The following LRRK2 variants were observed in gnomAD, a reference collection of about 807,000 sequenced individuals.
LRRK2 encodes leucine-rich repeat serine/threonine-protein kinase 2.
In LRRK2, 203 loss-of-function variants were observed where a neutral mutation model predicts 302.6. That is an observed-to-expected ratio of 0.67 (90% CI 0.60 to 0.75). The LOEUF (loss-of-function observed/expected upper bound fraction) is 0.75. Among genes scored for constraint, LRRK2 ranks in the 30% least tolerant of loss-of-function variants. The pLI is 0.00. For missense variants in LRRK2, 2,830 were observed against 2,951.0 expected (o/e 0.96, Z 0.95); for synonymous variants, 1,066 against 1,031.9 (o/e 1.03, Z -0.63).
At chr12:40,312,555 G>A (rs1167136983) in intron 31 of LRRK2, among the ~76,000 whole-genome samples, 1 of 151,890 alleles carries the variant, frequency 6.6e-6, no homozygotes, top group Admixed American at 6.6e-5. Flanking sequence ...ATCTTTTTCT[G>A]TCTCAACCTT....
In LRRK2 at chr12:40,364,843, G is replaced by A. The variant is rs78964014; in HGVS notation, c.7183G>A (p.Glu2395Lys). Reference protein sequence around the residue: ...GLIDCVHFLREVMVKENKESK... With the variant: ...GLIDCVHFLRKVMVKENKESK... The stretch of plus-strand genomic sequence containing the variant: ...TTAATGTATACTTTATGGTTCTAGG[G>A]AGGTAATGGTAAAAGAAAACAAGGA... Residue 2395 changes from glutamate to lysine, a missense_variant and splice_region_variant, in exon 49 of 51, where the codon GAG becomes AAG. Glu to Lys is a moderately conservative substitution (Grantham distance 56). This residue lies in a region of LRRK2 where 456 missense variants were observed against 456.3 expected (regional missense o/e 1.00). Coordinates refer to ENST00000298910, the MANE Select transcript of LRRK2 (RefSeq NM_198578.4). 7 of 1,604,726 alleles carry A rather than the reference G, an allele frequency of 4.4e-6. No homozygotes were observed. Among genetic ancestry groups the A allele is most frequent in the African/African-American group, 1.3e-5 (1 of 74,708 alleles).
chr12:40,294,740 T>C (rs1004805069), intron 21 of LRRK2, 105 bp from the exon 22 acceptor site: 5 of 631,918 alleles, frequency 7.9e-6, no homozygotes, highest in African/African-American at 7.4e-5. Flanking sequence ...TTCCCATAAT[T>C]ATAAATACCA....
intron 6 of LRRK2, 87 bp from the exon 7 acceptor site, chr12:40,243,463 T>A (rs971348437): frequency 6.9e-7 from 1 of 1,444,590 alleles, no homozygotes; most frequent in Admixed American, 1.7e-5. Context: ...TGCCATCTAT[T>A]TACAGTCTAT....
chr12:40,250,360 G>A (rs1942199558), intron 8 of LRRK2, among the ~76,000 whole-genome samples: 1 of 151,842 alleles, frequency 6.6e-6, no homozygotes, highest in Non-Finnish European at 1.5e-5. Flanking sequence ...CATGGTGGCG[G>A]GCACCTATAA....
Position 40,320,143 on chromosome 12 carries a change from A to G in LRRK2, c.4983A>G (p.Pro1661=). The G allele has an allele frequency of 6.2e-7, 1 of 1,612,294 alleles. No homozygotes were observed. ...TAGAAAAATTCCAGATTGCTTTGCC[A>G]ATAGGAGAAGAATATTTGCTGGTTC... The part of the protein sequence containing the change: ...KLLEKFQIAL[P]IGEEYLLVPS... Residue 1661 remains proline (P), a synonymous_variant, in exon 34 of 51, where the codon CCA becomes CCG. Coordinates refer to ENST00000298910, the MANE Select transcript of LRRK2 (RefSeq NM_198578.4).
At chr12:40,277,796 A>ATGT (rs1943522250) in intron 16 of LRRK2, 92 bp from the exon 17 acceptor site, 1 of 1,177,858 alleles carries the variant, frequency 8.5e-7, no homozygotes, top group African/African-American at 1.5e-5. Context: ...CATCCTAGGT[A>ATGT]TTGTTTCATA....
intron 25 of LRRK2, among the ~76,000 whole-genome samples, chr12:40,299,876 CTG>C (rs1339827716): frequency 6.6e-6 from 1 of 152,042 alleles, no homozygotes; most frequent in Non-Finnish European, 1.5e-5. Flanking sequence ...AGTCTCTGGA[CTG>C]TGTGCTCAAT....
chr12:40,248,760 A>G (rs1942123642), intron 7 of LRRK2, among the ~76,000 whole-genome samples: 1 of 152,210 alleles, frequency 6.6e-6, no homozygotes, highest in South Asian at 2.1e-4. Context: ...TCACACAGTG[A>G]TTCAGTGACC....
intron 35 of LRRK2, 92 bp from the exon 36 acceptor site, chr12:40,321,943 T>G: frequency 8.0e-7 from 1 of 1,244,764 alleles, no homozygotes; most frequent in Non-Finnish European, 1.2e-6. Context: ...TCAAAATGAA[T>G]AGATCTGTAT....
chr12:40,251,108 A>T (rs1942249908), intron 8 of LRRK2, 124 bp from the exon 9 acceptor site: 1 of 612,086 alleles, frequency 1.6e-6, no homozygotes, highest in Admixed American at 3.3e-5. Flanking sequence ...ATAATTGACC[A>T]AGGCTTCTCC....
At position 40,310,441 on chromosome 12, in the gene LRRK2, C is replaced by T. The variant is rs764213934; in HGVS notation, c.4328C>T (p.Ser1443Phe). 4.3e-6 allele frequency: 7 copies of T among 1,613,282 alleles called. 1 individual carries two copies. The Admixed American group carries it at 8.4e-5, about 19-fold the overall frequency. Residue 1443 changes from serine (S) to phenylalanine (F), a missense_variant, in exon 31 of 51, where the codon TCT (serine) becomes TTT (phenylalanine). Transcript: ENST00000298910. ...PWLFNIKARASSSPVILVGTH... is the reference protein window; with the variant it reads ...PWLFNIKARAFSSPVILVGTH... ...TGTCTTTCCCTCCAGGCTCGCGCTT[C>T]TTCTTCCCCTGTGATTCTCGTTGGC...
At position 40,367,820 on chromosome 12, in the gene LRRK2, A is replaced by G; in HGVS notation, c.*55A>G. ...AAAATTATTCTCTCCTCTTGTAAAT[A>G]TTTATTTTAAAAATGTTCACATGGA... On this transcript the variant is annotated 3_prime_UTR_variant, in exon 51 of 51. Coordinates refer to ENST00000298910, the MANE Select transcript of LRRK2 (RefSeq NM_198578.4). 1 of 1,541,800 alleles carries G rather than the reference A, an allele frequency of 6.5e-7. No individual in the cohort carries two copies. The highest frequency in any genetic ancestry group is 8.8e-7 in the Non-Finnish European group (1 of 1,135,740).
chr12:40,236,367 C>G (rs1315106628), intron 4 of LRRK2, among the ~76,000 whole-genome samples: 2 of 152,120 alleles, frequency 1.3e-5, no homozygotes, highest in African/African-American at 4.8e-5. Flanking sequence ...GCTTTGGCCA[C>G]TAAGAGGTAG....
intron 11 of LRRK2, among the ~76,000 whole-genome samples, chr12:40,254,946 G>T (rs571727468): frequency 1.3e-5 from 2 of 152,284 alleles, no homozygotes; most frequent in East Asian, 3.9e-4. Context: ...GTGTCTTTGG[G>T]TGTGCAGAGC....
chr12:40,363,540 C>G lies in LRRK2; in HGVS notation c.7167C>G (p.Cys2389Trp), dbSNP rs780498854. The G allele has an allele frequency of 3.1e-6, 5 of 1,611,426 alleles. No homozygotes were observed. The South Asian group carries it at 5.5e-5, about 18-fold the overall frequency. Residue 2389 changes from cysteine to tryptophan, a missense_variant, in exon 48 of 51, where the codon TGC becomes TGG. Coordinates refer to ENST00000298910, the MANE Select transcript of LRRK2 (RefSeq NM_198578.4). ...AAAAACTCTGTGGACTAATAGACTG[C>G]GTGCACTTTTTAAGGTAAATTCTGT... ...KTEKLCGLID[C>W]VHFLREVMVK...
chr12:40,349,255 T>C (rs975233306), intron 43 of LRRK2, among the ~76,000 whole-genome samples: 4 of 152,244 alleles, frequency 2.6e-5, no homozygotes, highest in Non-Finnish European at 4.4e-5. Context: ...TGTCTTCCAC[T>C]GATCAACTCA....
At chr12:40,354,631 T>C in intron 45 of LRRK2, 139 bp downstream of exon 45, 1 of 793,840 alleles carries the variant, frequency 1.3e-6, no homozygotes, top group Non-Finnish European at 2.1e-6. Flanking sequence ...AAGGGAATTG[T>C]GGAAGGTCAC....
chr12:40,354,595 C>A lies in LRRK2; in HGVS notation c.6770+103C>A. On this transcript the variant is annotated intron_variant, in intron 45 of 50. Transcript: ENST00000298910. ...TCAGCAAAGATTGTTCATTTTTAGC[C>A]TATTTTCATTGGTTTGCATATATTA... 9.5e-6 allele frequency: 10 copies of A among 1,048,790 alleles called. No individual in the cohort carries two copies. The South Asian group carries it at 1.1e-4, about 11-fold the overall frequency. The allele number at this position is 1,048,790 out of a possible 1,614,324, so 65.0% of individuals were successfully genotyped here.
chr12:40,253,872 A>G (rs1023240455), intron 11 of LRRK2, among the ~76,000 whole-genome samples: 1 of 152,186 alleles, frequency 6.6e-6, no homozygotes, highest in Non-Finnish European at 1.5e-5. Flanking sequence ...GGAAAATTTC[A>G]TAGAAATGCA....
Sources: gnomAD v4.1 joint callset for allele counts (sites outside exome capture counted in the v4.1 genomes callset) on GRCh38, gnomAD v4.1.1 for gene constraint, gnomAD v4.1.1 regional missense constraint, MANE v1.5 for transcripts, NCBI Gene and HGNC (gene_info 2026-07-23, HGNC 2026-07-21) for gene names.